The following LRRC49 variants were observed in gnomAD, a reference collection of about 807,000 sequenced individuals.
LRRC49 encodes the protein leucine-rich repeat-containing protein 49.
In LRRC49, 50 loss-of-function variants were observed where a neutral mutation model predicts 83.3. That is an observed-to-expected ratio of 0.60 (90% CI 0.48 to 0.76). LRRC49 has a LOEUF of 0.76. LRRC49 is among the 30% of genes least tolerant of loss of function. The probability of loss-of-function intolerance (pLI) is 0.00; values close to 1 mark genes in which losing one functional copy is unlikely to be tolerated. For missense variants in LRRC49, 704 were observed against 809.1 expected (o/e 0.87, Z 1.58); for synonymous variants, 286 against 283.3 (o/e 1.01, Z -0.10).
At chr15:70,995,694 C>T (rs1229114841) in intron 11 of LRRC49, among the ~76,000 whole-genome samples, 3 of 152,170 alleles carry the variant, frequency 2.0e-5, no homozygotes, top group African/African-American at 4.8e-5. Flanking sequence ...AGACTATTAA[C>T]GTGACTTTCA....
intron 6 of LRRC49, among the ~76,000 whole-genome samples, chr15:70,916,912 C>T (rs920402265): frequency 3.3e-5 from 5 of 152,180 alleles, no homozygotes; most frequent in East Asian, 1.9e-4. Context: ...CTCTTGGGGA[C>T]GCAGAAAGTA....
chr15:70,864,817 A>T (rs1463705247), intron 1 of LRRC49, among the ~76,000 whole-genome samples: 3 of 152,138 alleles, frequency 2.0e-5, no homozygotes, highest in African/African-American at 7.2e-5. Flanking sequence ...GGTTCTTCTC[A>T]TAACTTGGGC....
At chr15:70,890,665 T>C (rs1330737473), upstream of LRRC49, among the ~76,000 whole-genome samples, 7 of 152,140 alleles carry the variant, frequency 4.6e-5, no homozygotes. Flanking sequence ...AGTACATAAC[T>C]AAGGGATCAA....
chr15:70,963,858 C>T lies in LRRC49; in HGVS notation c.847C>T (p.Gln283Ter). Residue 283 changes from glutamine (Q) to a stop codon, truncating the protein, a stop_gained, in exon 9 of 16, where the codon CAA becomes TAA. Transcript: ENST00000260382. LOFTEE classifies it high-confidence loss of function. ...CACCTTTGATGGCAATCCCATAGCT[C>T]AAGAGTCATGGTACAAACACACTGT... ...DITFDGNPIAQESWYKHTVLQ... is the reference protein window; with the variant it reads ...DITFDGNPIA 6.2e-7 allele frequency: 1 copy of T among 1,613,658 alleles called. No individual in the cohort carries two copies. Among genetic ancestry groups the T allele is most frequent in the Non-Finnish European group, 8.5e-7 (1 of 1,179,674 alleles).
chr15:70,950,234 G>A (rs1184207263), intron 8 of LRRC49, among the ~76,000 whole-genome samples: 2 of 152,054 alleles, frequency 1.3e-5, no homozygotes, highest in African/African-American at 4.8e-5. Context: ...GGTTGATTCC[G>A]TGTCTGCTGT....
At chr15:71,020,303 A>G (rs1264002225) in intron 14 of LRRC49, among the ~76,000 whole-genome samples, 1 of 152,224 alleles carries the variant, frequency 6.6e-6, no homozygotes, top group Non-Finnish European at 1.5e-5. Flanking sequence ...GATAGAGTAT[A>G]TGAGAAAGTG....
intron 2 of LRRC49, among the ~76,000 whole-genome samples, chr15:70,877,944 A>G (rs879710251): frequency 5.3e-5 from 8 of 152,184 alleles, no homozygotes; most frequent in Admixed American, 2.6e-4. Flanking sequence ...CCTGGCTAAC[A>G]TGGTGAAACC....
chr15:70,956,150 T>C (rs1301988283), intron 8 of LRRC49, among the ~76,000 whole-genome samples: 1 of 152,194 alleles, frequency 6.6e-6, no homozygotes, highest in East Asian at 1.9e-4. Flanking sequence ...TTGACTGATA[T>C]TTAGGAATTG....
intron 15 of LRRC49, among the ~76,000 whole-genome samples, chr15:71,044,038 C>T (rs1197441039): frequency 1.3e-5 from 2 of 152,124 alleles, no homozygotes; most frequent in East Asian, 3.9e-4. Flanking sequence ...TAAAATATTG[C>T]TCATTTTAGT....
Position 70,893,613 on chromosome 15 carries a change from A to T in LRRC49, c.78A>T (p.Gln26His), listed in dbSNP as rs1389846945. 1 of 1,611,700 alleles carries T rather than the reference A, an allele frequency of 6.2e-7. No homozygotes were observed. The highest frequency in any genetic ancestry group is 1.7e-5 in the Admixed American group (1 of 59,810). ...ACTGCGGGCTTCATCTGGTTATTCA[A>T]ACATCATCGCTTCCTGAAAAAAACA... is the stretch of plus-strand genomic sequence containing the variant. Reference protein sequence around the residue: ...NVNCGLHLVIQTSSLPEKNKV... With the variant: ...NVNCGLHLVIHTSSLPEKNKV... Residue 26 changes from glutamine (Q) to histidine (H), a missense_variant, in exon 2 of 16, where the codon CAA becomes CAT. Around this residue, in one of 3 missense-constraint regions of LRRC49, gnomAD observed 261 missense variants for 330.5 expected, o/e 0.79. Transcript: ENST00000260382.
intron 4 of LRRC49, among the ~76,000 whole-genome samples, chr15:70,903,228 AATTT>A (rs1447008311): frequency 2.6e-5 from 4 of 151,978 alleles, no homozygotes; most frequent in Admixed American, 2.6e-4. Context: ...GAATACTTAT[AATTT>A]ATTAATTTAT....
At chr15:70,899,519 G>C (rs1180167160) in intron 3 of LRRC49, among the ~76,000 whole-genome samples, 2 of 151,964 alleles carry the variant, frequency 1.3e-5, no homozygotes, top group African/African-American at 4.8e-5. Flanking sequence ...TGTCAATTCT[G>C]AATGCTTATA....
intron 8 of LRRC49, among the ~76,000 whole-genome samples, chr15:70,951,061 G>A (rs1490137933): frequency 6.6e-6 from 1 of 151,986 alleles, no homozygotes; most frequent in Non-Finnish European, 1.5e-5. Context: ...CAATGATCAG[G>A]TAGTTGTAGG....
At chr15:71,048,769 G>A (rs763870097) in intron 15 of LRRC49, 1 of 455,930 alleles carries the variant, frequency 2.2e-6, no homozygotes, top group South Asian at 1.5e-5. Flanking sequence ...TTAGGACCAG[G>A]TTTTTCATTT....
chr15:70,866,113 A>AGTAT (rs1400394266), intron 1 of LRRC49, among the ~76,000 whole-genome samples: 1 of 142,808 alleles, frequency 7.0e-6, no homozygotes, highest in Admixed American at 7.2e-5. Flanking sequence ...GTACATGTAA[A>AGTAT]GTATTTATTT....
chr15:71,011,436 GAAGAATTAGA>G (rs1003575471), intron 13 of LRRC49, among the ~76,000 whole-genome samples: 114 of 152,086 alleles, frequency 7.5e-4, no homozygotes, highest in African/African-American at 2.6e-3. Context: ...ATAAAGTGGA[GAAGAATTAGA>G]AAGAATTAGA....
chr15:70,854,820 C>T (rs1450387670), intron 1 of LRRC49, among the ~76,000 whole-genome samples: 1 of 152,144 alleles, frequency 6.6e-6, no homozygotes, highest in Non-Finnish European at 1.5e-5. Flanking sequence ...TTTAACAAGG[C>T]CTCTAGGTGA....
intron 14 of LRRC49, among the ~76,000 whole-genome samples, chr15:71,033,415 A>G (rs944652446): frequency 6.6e-6 from 1 of 152,362 alleles, no homozygotes; most frequent in South Asian, 2.1e-4. Flanking sequence ...AAAACATTCC[A>G]TGCTCATGGA....
intron 2 of LRRC49, among the ~76,000 whole-genome samples, chr15:70,876,641 C>T (rs1409919323): frequency 6.6e-6 from 1 of 152,168 alleles, no homozygotes; most frequent in East Asian, 1.9e-4. Context: ...CACTTGAAAA[C>T]TCAGTCATTG....
Sources: gnomAD v4.1 joint callset for allele counts (sites outside exome capture counted in the v4.1 genomes callset) on GRCh38, gnomAD v4.1.1 for gene constraint, gnomAD v4.1.1 regional missense constraint, MANE v1.5 for transcripts, NCBI Gene and HGNC (gene_info 2026-07-23, HGNC 2026-07-21) for gene names.